AGBL5: variants seen among roughly 807,000 people sequenced by gnomAD.
AGBL5 encodes AGBL carboxypeptidase 5, also known as cytosolic carboxypeptidase-like protein 5.
A neutral mutation model predicts 88.0 loss-of-function variants in AGBL5; 51 were observed. That is an observed-to-expected ratio of 0.58 (90% CI 0.46 to 0.73). AGBL5 has a LOEUF of 0.73. Ranked by LOEUF, AGBL5 falls within the 30% of genes least tolerant of loss-of-function variation. The pLI is 0.00. For synonymous variants in AGBL5, 446 were observed against 438.8 expected (o/e 1.02, Z -0.21); for missense variants, 1,031 against 1,162.2 (o/e 0.89, Z 1.64).
chr2:27,055,337 CT>C, intron 6 of AGBL5, 84 bp downstream of exon 6: 1 of 1,517,210 alleles, frequency 6.6e-7, no homozygotes, highest in Non-Finnish European at 9.0e-7. Flanking sequence ...AGCCTTCTGG[CT>C]TCTGTGTTCC....
upstream of AGBL5, among the ~76,000 whole-genome samples, chr2:27,050,682 G>A (rs975250015): frequency 1.3e-5 from 2 of 152,236 alleles, no homozygotes; most frequent in East Asian, 1.9e-4. Flanking sequence ...TGGGTCTCCT[G>A]CCCTGGCAGG....
chr2:27,051,082 T>A (rs1421903972), upstream of AGBL5: 2 of 152,232 alleles, frequency 1.3e-5, no homozygotes, highest in African/African-American at 4.8e-5. Flanking sequence ...TATGCTTGAT[T>A]TTTAGAATCT....
At chr2:27,060,722 C>T (rs975546182) in intron 11 of AGBL5, among the ~76,000 whole-genome samples, 2 of 152,210 alleles carry the variant, frequency 1.3e-5, no homozygotes, top group Non-Finnish European at 2.9e-5. Context: ...TATTCTATCC[C>T]TGACAGGCAA....
chr2:27,054,360 G>A, intron 4 of AGBL5: 1 of 550,678 alleles, frequency 1.8e-6, no homozygotes. Flanking sequence ...TTTTTTATCT[G>A]CCCCCACGGA....
chr2:27,070,336 C>G lies in AGBL5; in HGVS notation c.*73C>G. 3.4e-6 allele frequency: 5 copies of G among 1,480,132 alleles called. No individual in the cohort carries two copies. Among genetic ancestry groups the G allele is most frequent in the Non-Finnish European group, 4.7e-6 (5 of 1,066,028 alleles). 91.7% of individuals were successfully genotyped at this position (1,480,132 alleles called of 1,614,324 possible). A position where few individuals can be genotyped will look rare whatever the true frequency, so the allele number is the denominator to read the frequency against. On this transcript the variant is annotated 3_prime_UTR_variant, in exon 15 of 15. Transcript: ENST00000360131. ...CAGTGGGAAATATGCTAGTTCCCCT[C>G]CAGGCCGCTGATTCCATGTGACAGC...
rs1278499388 is a variant in AGBL5, at chr2:27,058,458, G to A, written c.1730G>A (p.Arg577Gln). The change falls in exon 10 of 15, where the codon CGA (arginine) becomes CAA (glutamine). Residue 577 changes from arginine (R) to glutamine (Q), a missense_variant. By Grantham distance (43) the Arg-to-Gln change is conservative. Around this residue, in one of 2 missense-constraint regions of AGBL5, gnomAD observed 491 missense variants for 484.0 expected, o/e 1.01. Coordinates refer to ENST00000360131, the MANE Select transcript of AGBL5 (RefSeq NM_021831.6). ...ATGGCGGAATGTAATCCGTGGCCCC[G>A]AATTGTACTGTCAGAGCACAGCAGC... ...LDMAECNPWP[R>Q]IVLSEHSSLT... 7 of 1,614,016 alleles carry A rather than the reference G, an allele frequency of 4.3e-6. No individual in the cohort carries two copies. Among genetic ancestry groups the A allele is most frequent in the Admixed American group, 3.3e-5 (2 of 60,018 alleles).
Position 27,070,322 on chromosome 2 carries a change from AT to A in AGBL5, c.*60del. 2.6e-6 allele frequency: 4 copies of A among 1,558,040 alleles called. No individual in the cohort carries two copies. Among genetic ancestry groups the A allele is most frequent in the Non-Finnish European group, 3.5e-6 (4 of 1,131,882 alleles). On this transcript the variant is annotated 3_prime_UTR_variant, in exon 15 of 15. Transcript: ENST00000360131. ...CCAAGATGGGGTAACAGTGGGAAAT[AT>A]GCTAGTTCCCCTCCAGGCCGCTGAT...
At chr2:27,057,281 G>A (rs1052918301) in intron 8 of AGBL5, 22 bp from the exon 9 acceptor site, 1 of 1,605,842 alleles carries the variant, frequency 6.2e-7, no homozygotes, top group East Asian at 2.2e-5. Context: ...GCGGGACACT[G>A]ATAAAGGTCT....
intron 11 of AGBL5, among the ~76,000 whole-genome samples, chr2:27,060,686 G>A (rs768025596): frequency 1.1e-4 from 16 of 152,148 alleles, no homozygotes; most frequent in Non-Finnish European, 1.9e-4. Flanking sequence ...GAGGGCAATG[G>A]TCCTTACCAG....
chr2:27,067,064 C>T (rs1263718464), intron 11 of AGBL5, among the ~76,000 whole-genome samples: 2 of 151,778 alleles, frequency 1.3e-5, no homozygotes, highest in Non-Finnish European at 2.9e-5. Flanking sequence ...GCCTGGGCAA[C>T]AAAGCGAGAC....
In AGBL5 at chr2:27,053,464, T is replaced by C. The variant is rs764576677; in HGVS notation, c.278T>C (p.Met93Thr). ...MPGKLIKINI[M>T]NMNKQSKLYS... ...GGAAAACTCATCAAGATCAACATTA[T>C]GAACATGAACAAGCAGAGCAAGCTG... The change falls in exon 3 of 15, where the codon ATG becomes ACG. Residue 93 changes from methionine (M) to threonine (T), a missense_variant. Around this residue, in one of 2 missense-constraint regions of AGBL5, gnomAD observed 540 missense variants for 678.2 expected, o/e 0.80. Transcript: ENST00000360131. This position sits in a 1 kb window ranked among gnomAD's most constrained non-coding sequence, Gnocchi z 4.9. 1 of 1,614,098 alleles carries C rather than the reference T, an allele frequency of 6.2e-7. No individual in the cohort carries two copies. Among genetic ancestry groups the C allele is most frequent in the Non-Finnish European group, 8.5e-7 (1 of 1,180,022 alleles).
intron 9 of AGBL5, 94 bp from the exon 10 acceptor site, chr2:27,058,306 C>G: frequency 7.1e-7 from 1 of 1,418,192 alleles, no homozygotes; most frequent in Non-Finnish European, 9.9e-7. Flanking sequence ...TAGGTCTGGC[C>G]CCTCCTTCCC....
rs1487304188 is a variant in AGBL5, at chr2:27,057,391, C to G, written c.1624C>G (p.Pro542Ala). ...TGACAATGGGCGTGCCAGCCCCCCT[C>G]CCCCGCCGGCTTTCCCCTCCAGATA... ...CHDNGRASPP[P>A]PPAFPSRYTV... Residue 542 changes from proline (P) to alanine (A), a missense_variant, in exon 9 of 15, where the codon CCC (proline) becomes GCC (alanine). By Grantham distance (27) the Pro-to-Ala change is conservative (BLOSUM62 -1). Around this residue, in one of 2 missense-constraint regions of AGBL5, gnomAD observed 491 missense variants for 484.0 expected, o/e 1.01. Transcript: ENST00000360131. The G allele has an allele frequency of 6.2e-7, 1 of 1,613,810 alleles. No individual in the cohort carries two copies. Among genetic ancestry groups the G allele is most frequent in the Non-Finnish European group, 8.5e-7 (1 of 1,179,944 alleles).
chr2:27,069,783 T>G, intron 14 of AGBL5, 77 bp downstream of exon 14: 1 of 1,536,552 alleles, frequency 6.5e-7, no homozygotes, highest in South Asian at 1.2e-5. Flanking sequence ...TTCAGAATAA[T>G]TTTCTGCTTC....
chr2:27,069,845 C>T, intron 14 of AGBL5, 139 bp downstream of exon 14: 1 of 1,458,024 alleles, frequency 6.9e-7, no homozygotes, highest in Non-Finnish European at 9.1e-7. Flanking sequence ...AGAATCTAGT[C>T]CCTGATTTTT....
chr2:27,060,881 C>A (rs1257863318), intron 11 of AGBL5, among the ~76,000 whole-genome samples: 1 of 152,192 alleles, frequency 6.6e-6, no homozygotes, highest in African/African-American at 2.4e-5. Flanking sequence ...ATATAAATTT[C>A]ATTTAATCCT....
Position 27,070,394 on chromosome 2 carries a change from C to G in AGBL5, c.*131C>G, listed in dbSNP as rs1669229311. 1 of 906,558 alleles carries G rather than the reference C, an allele frequency of 1.1e-6. No individual in the cohort carries two copies. The highest frequency in any genetic ancestry group is 1.7e-6 in the Non-Finnish European group (1 of 580,934). The allele number at this position is 906,558 out of a possible 1,614,324, so 56.2% of individuals were successfully genotyped here. On this transcript the variant is annotated 3_prime_UTR_variant, in exon 15 of 15. Transcript: ENST00000360131. ...TCCTTGGAATGCCAGCCACGCTGTC[C>G]AAGGCATTACAGAGTATCACCTTGA... is the stretch of plus-strand genomic sequence containing the variant.
intron 5 of AGBL5, 45 bp downstream of exon 5, chr2:27,054,852 C>T (rs767888437): frequency 1.1e-5 from 18 of 1,588,242 alleles, no homozygotes; most frequent in Non-Finnish European, 1.5e-5. Flanking sequence ...TTTTCTCTAG[C>T]ACCAGGTACT....
intron 4 of AGBL5, 64 bp from the exon 5 acceptor site, chr2:27,054,566 A>T (rs907241603): frequency 6.6e-7 from 1 of 1,505,934 alleles, no homozygotes; most frequent in Non-Finnish European, 9.0e-7. Flanking sequence ...TGGGCTGGTG[A>T]CAAGGCCTAC....
Sources: allele counts gnomAD v4.1 joint callset (sites outside exome capture counted in the v4.1 genomes callset), GRCh38; gene constraint gnomAD v4.1.1; regional missense constraint gnomAD v4.1.1; non-coding constraint Gnocchi (gnomAD v3.1); transcripts MANE v1.5; gene names NCBI Gene and HGNC (gene_info 2026-07-23, HGNC 2026-07-21).